RORA: variants seen among roughly 807,000 people sequenced by gnomAD.
RORA encodes nuclear receptor ROR-alpha.
RORA carries 7 observed loss-of-function variants against 69.5 expected under a neutral mutation model. The ratio of observed to expected loss-of-function variants is 0.10; its 90% CI spans 0.06 to 0.19. The LOEUF (loss-of-function observed/expected upper bound fraction) is 0.19, where lower values mean the gene tolerates loss of function less well. Among genes scored for constraint, RORA ranks in the 10% least tolerant of loss-of-function variants. The pLI, the probability that RORA is intolerant of heterozygous loss-of-function variation, is 1.00. For synonymous variants in RORA, 261 were observed against 240.8 expected (o/e 1.08, Z -0.78); for missense variants, 457 against 663.0 (o/e 0.69, Z 3.41).
At chr15:61,120,974 A>C (rs1306521167) in intron 1 of RORA, among the ~76,000 whole-genome samples, 1 of 151,178 alleles carries the variant, frequency 6.6e-6, no homozygotes, top group Non-Finnish European at 1.5e-5. Context: ...CAGCTTCCCC[A>C]GTAGCTGGGA....
chr15:60,732,635 C>G (rs2071443449), intron 1 of RORA, among the ~76,000 whole-genome samples: 1 of 151,606 alleles, frequency 6.6e-6, no homozygotes, highest in Non-Finnish European at 1.5e-5. Context: ...GATAATCATT[C>G]TCATTCTCTC....
At chr15:60,862,086 C>G (rs970497515) in intron 1 of RORA, among the ~76,000 whole-genome samples, 5 of 152,228 alleles carry the variant, frequency 3.3e-5, no homozygotes, top group African/African-American at 7.2e-5. Context: ...TCTAAGGCAA[C>G]TAGTTCAGGG....
At chr15:61,056,826 T>G (rs2078103309) in intron 1 of RORA, among the ~76,000 whole-genome samples, 1 of 152,234 alleles carries the variant, frequency 6.6e-6, no homozygotes, top group South Asian at 2.1e-4. Context: ...CAATCACTAC[T>G]TCTGCTGAGT....
At chr15:61,104,541 T>G (rs1724529493) in intron 1 of RORA, among the ~76,000 whole-genome samples, 1 of 152,284 alleles carries the variant, frequency 6.6e-6, no homozygotes, top group South Asian at 2.1e-4. Context: ...TACAAACACC[T>G]TACTGGATAA....
intron 2 of RORA, among the ~76,000 whole-genome samples, chr15:60,545,370 A>G (rs2067036432): frequency 6.6e-6 from 1 of 152,198 alleles, no homozygotes; most frequent in African/African-American, 2.4e-5. Flanking sequence ...CCTTTAAACT[A>G]TGTCACAAAG....
chr15:60,936,882 C>T (rs984835201), intron 1 of RORA, among the ~76,000 whole-genome samples: 2 of 152,162 alleles, frequency 1.3e-5, no homozygotes, highest in African/African-American at 4.8e-5. Context: ...AATCAAACCA[C>T]TTCAAGAAGG....
At chr15:60,800,615 C>T (rs1222465071) in intron 1 of RORA, among the ~76,000 whole-genome samples, 1 of 152,192 alleles carries the variant, frequency 6.6e-6, no homozygotes, top group East Asian at 1.9e-4. Flanking sequence ...GCAGCCTCCT[C>T]TTGGTGAACT....
rs544707178 is a variant in RORA at position 61,086,568 on chromosome 15, C to A, written c.166+142485G>T. ...AATATTAAGAACCACTGCACAGGGACAAATAAAATTTTGAGTCAAAATTTT... is the reference window on the plus strand; with the variant it reads ...AATATTAAGAACCACTGCACAGGGAAAAATAAAATTTTGAGTCAAAATTTT... On this transcript the variant is annotated intron_variant, in intron 1 of 10. Coordinates refer to ENST00000335670, the MANE Select transcript of RORA (RefSeq NM_134261.3). 1.5e-4 allele frequency among the ~76,000 whole-genome samples: 23 copies of A among 151,980 alleles called. No homozygotes were observed. In the South Asian group the frequency reaches 4.6e-3, roughly 30 times the overall value.
In RORA at chr15:60,832,377, C is replaced by T. The variant is rs545272292; in HGVS notation, c.167-153691G>A. Among the ~76,000 whole-genome samples the T allele has an allele frequency of 3.3e-5, 5 of 152,234 alleles. No individual in the cohort carries two copies. The East Asian group carries it at 9.7e-4, about 29-fold the overall frequency. ...TGGGCAAAACTGGGATATTAGTCAC[C>T]TACCTCCCCATTTCCCTCTTTCCTC... On this transcript the variant is annotated intron_variant, in intron 1 of 10. Transcript: ENST00000335670.
chr15:60,911,438 C>A (rs8027424), intron 1 of RORA, among the ~76,000 whole-genome samples: 46,797 of 151,996 alleles, frequency 0.31, 8,091 homozygotes, highest in East Asian at 0.6. Context: ...TACTGGCGGA[C>A]AAAATAGATA....
intron 1 of RORA, among the ~76,000 whole-genome samples, chr15:60,791,178 C>T (rs1306623254): frequency 6.6e-6 from 1 of 152,152 alleles, no homozygotes; most frequent in East Asian, 1.9e-4. Context: ...GATTCAGTTA[C>T]TACTTGGGCA....
intron 1 of RORA, among the ~76,000 whole-genome samples, chr15:60,855,610 T>TTTTATTTATTTATTTA (rs56303340): frequency 2.6e-5 from 4 of 151,894 alleles, no homozygotes; most frequent in East Asian, 1.9e-4. Flanking sequence ...CAGTGTTTGC[T>TTTTATTTATTTATTTA]TTTATTTATT....
intron 1 of RORA, among the ~76,000 whole-genome samples, chr15:60,717,049 G>A (rs886917192): frequency 6.6e-6 from 1 of 152,200 alleles, no homozygotes; most frequent in African/African-American, 2.4e-5. Context: ...GCCTGGACTT[G>A]CAACTCGTGT....
chr15:60,558,468 CTG>C lies in RORA; in HGVS notation c.197-26619_197-26618del, dbSNP rs1264345014. 5.6e-6 allele frequency: 3 copies of C among 536,074 alleles called. No individual in the cohort carries two copies. In the African/African-American group the frequency reaches 5.8e-5, roughly 10 times the overall value. The allele number at this position is 536,074 out of a possible 1,614,324, so 33.2% of individuals were successfully genotyped here. On this transcript the variant is annotated intron_variant, in intron 2 of 10. Coordinates refer to ENST00000335670, the MANE Select transcript of RORA (RefSeq NM_134261.3). Reference sequence around the variant, plus strand: ...CAGAATTCAGATCATTAATGTCTGACTGAATATTTTTGTTGGGCAGTCCTGTT... The same window carrying C: ...CAGAATTCAGATCATTAATGTCTGACAATATTTTTGTTGGGCAGTCCTGTT...
intron 1 of RORA, among the ~76,000 whole-genome samples, chr15:61,110,675 G>A (rs1450034572): frequency 1.3e-5 from 2 of 152,126 alleles, no homozygotes; most frequent in Non-Finnish European, 2.9e-5. Context: ...GTGTGGAAGA[G>A]AGTGATACTG....
intron 1 of RORA, among the ~76,000 whole-genome samples, chr15:60,790,164 T>C (rs563656686): frequency 4.8e-4 from 73 of 152,370 alleles, no homozygotes; most frequent in African/African-American, 1.7e-3. Context: ...GACCAGTGGT[T>C]CTTCCACTTT....
At chr15:60,527,180 T>TATCA (rs1488613656) in intron 3 of RORA, among the ~76,000 whole-genome samples, 1 of 152,226 alleles carries the variant, frequency 6.6e-6, no homozygotes, top group African/African-American at 2.4e-5. Flanking sequence ...GATCGTGCAT[T>TATCA]ATCATTAAAA....
At chr15:60,738,513 C>A (rs189662310) in intron 1 of RORA, among the ~76,000 whole-genome samples, 2 of 152,178 alleles carry the variant, frequency 1.3e-5, no homozygotes, top group African/African-American at 2.4e-5. Flanking sequence ...CTTCACAAGC[C>A]CTTTCTCCAT....
chr15:60,986,692 G>C (rs1380325017), intron 1 of RORA, among the ~76,000 whole-genome samples: 1 of 152,228 alleles, frequency 6.6e-6, no homozygotes, highest in African/African-American at 2.4e-5. Flanking sequence ...AAAGTGCTTA[G>C]ATCATAAAGC....
Sources: gnomAD v4.1 joint callset for allele counts (sites outside exome capture counted in the v4.1 genomes callset) on GRCh38, gnomAD v4.1.1 for gene constraint, MANE v1.5 for transcripts, NCBI Gene and HGNC (gene_info 2026-07-23, HGNC 2026-07-21) for gene names.